The following ITPK1 variants were observed in gnomAD, a reference collection of about 807,000 sequenced individuals.
ITPK1 encodes inositol-tetrakisphosphate 1-kinase.
Under a neutral mutation model 45.3 loss-of-function variants are expected in ITPK1, and 21 were observed. The observed-to-expected ratio is 0.46, with a 90% CI of 0.33 to 0.67. ITPK1 has a LOEUF of 0.67. Among genes scored for constraint, ITPK1 ranks in the 30% least tolerant of loss-of-function variants. ITPK1 has a pLI of 0.02. For missense variants in ITPK1, 474 were observed against 573.5 expected (o/e 0.83, Z 1.77); for synonymous variants, 258 against 253.6 (o/e 1.02, Z -0.16).
chr14:92,956,789 A>G (rs185218701), intron 8 of ITPK1, among the ~76,000 whole-genome samples: 2 of 152,352 alleles, frequency 1.3e-5, no homozygotes, highest in Admixed American at 1.3e-4. Flanking sequence ...AATAAACAGC[A>G]TTTTAAAAAA....
intron 5 of ITPK1, among the ~76,000 whole-genome samples, chr14:92,968,845 A>T (rs112414667): frequency 0.025 from 3,795 of 152,216 alleles, 174 homozygotes; most frequent in African/African-American, 0.087. Flanking sequence ...TGGGGACTCA[A>T]CTGAGACTCG....
intron 8 of ITPK1, among the ~76,000 whole-genome samples, chr14:92,952,379 G>A (rs1887998295): frequency 6.6e-6 from 1 of 152,190 alleles, no homozygotes; most frequent in African/African-American, 2.4e-5. Flanking sequence ...CACGGCCAGA[G>A]AGGGCCCACA....
chr14:92,958,139 T>G lies in ITPK1; in HGVS notation c.670+62A>C. On this transcript the variant is annotated intron_variant, in intron 8 of 10. Transcript: ENST00000267615. This position sits in a 1 kb window ranked among gnomAD's most constrained non-coding sequence, Gnocchi z 4.4. ...GCAGTGCCGAAGGACAGACAGCTGCTGCCACATCCCAGCTGGGCCCCTGAG... is the reference window on the plus strand; with the variant it reads ...GCAGTGCCGAAGGACAGACAGCTGCGGCCACATCCCAGCTGGGCCCCTGAG... The G allele has an allele frequency of 2.0e-6, 3 of 1,535,710 alleles. No individual in the cohort carries two copies. The highest frequency in any genetic ancestry group is 2.7e-6 in the Non-Finnish European group (3 of 1,109,808).
Position 92,941,304 on chromosome 14 carries a change from T to C in ITPK1, c.*257A>G, listed in dbSNP as rs879606647. ...ACCTAGTGTTGCAAACACAAGCGTG[T>C]GTAAACTCAGTTAGGAGGTCTGCAC... On this transcript the variant is annotated 3_prime_UTR_variant, in exon 11 of 11. Coordinates refer to ENST00000267615, the MANE Select transcript of ITPK1 (RefSeq NM_014216.6). The C allele has an allele frequency of 8.6e-6, 12 of 1,399,856 alleles. No homozygotes were observed. The highest frequency in any genetic ancestry group is 9.2e-6 in the Non-Finnish European group (10 of 1,084,218). 86.7% of individuals were successfully genotyped at this position (1,399,856 alleles called of 1,614,324 possible). A position where few individuals can be genotyped will look rare whatever the true frequency, so the allele number is the denominator to read the frequency against.
intron 2 of ITPK1, among the ~76,000 whole-genome samples, chr14:93,080,434 T>C (rs1891389743): frequency 6.6e-6 from 1 of 152,180 alleles, no homozygotes; most frequent in South Asian, 2.1e-4. Flanking sequence ...CACGAAGCAA[T>C]CGATCAATGG....
chr14:92,970,638 A>ATT lies in ITPK1; in HGVS notation c.365-7791_365-7790dup, dbSNP rs796634667. Among the ~76,000 whole-genome samples the ATT allele has an allele frequency of 8.0e-3, 1,149 of 143,752 alleles. 10 individuals carry two copies. The highest frequency in any genetic ancestry group is 0.026 in the African/African-American group (1,026 of 39,356). The allele number at this position is 143,752 out of a possible 152,430, so 94.3% of individuals were successfully genotyped here. A position where few individuals can be genotyped will look rare whatever the true frequency, so the allele number is the denominator to read the frequency against. ...GCAGGATCTAAGTTCTCGCAGCATC[A>ATT]TTTTTTTTTTTTTTTGAGACGGAGT... On this transcript the variant is annotated intron_variant, in intron 5 of 10. Coordinates refer to ENST00000267615, the MANE Select transcript of ITPK1 (RefSeq NM_014216.6).
chr14:93,035,380 C>T (rs4505243), intron 3 of ITPK1, among the ~76,000 whole-genome samples: 4,179 of 152,240 alleles, frequency 0.027, 99 homozygotes, highest in Admixed American at 0.085. Context: ...AGTCAAAAGC[C>T]GACTCAAAGG....
intron 5 of ITPK1, among the ~76,000 whole-genome samples, chr14:92,971,236 G>T (rs3825684): frequency 6.6e-6 from 1 of 152,044 alleles, no homozygotes; most frequent in Admixed American, 6.5e-5. Flanking sequence ...TGGGCTGTCT[G>T]GGTTTTAATC....
chr14:93,077,205 G>C (rs550075505), intron 2 of ITPK1, among the ~76,000 whole-genome samples: 1 of 152,234 alleles, frequency 6.6e-6, no homozygotes, highest in South Asian at 2.1e-4. Flanking sequence ...GCAGTCCCAC[G>C]GCCACCACGT....
At chr14:93,102,453 G>A (rs1004147545) in intron 2 of ITPK1, among the ~76,000 whole-genome samples, 2 of 152,250 alleles carry the variant, frequency 1.3e-5, no homozygotes, top group Non-Finnish European at 1.5e-5. Context: ...ATCCCATGAC[G>A]AATGTTAGGA....
intron 5 of ITPK1, among the ~76,000 whole-genome samples, chr14:92,989,312 C>T (rs1207459649): frequency 6.6e-6 from 1 of 152,106 alleles, no homozygotes; most frequent in Non-Finnish European, 1.5e-5. Flanking sequence ...CTGTCACCCC[C>T]AGAGCAGACA....
chr14:93,067,933 T>C, intron 3 of ITPK1: 1 of 151,028 alleles, frequency 6.6e-6, no homozygotes, highest in Non-Finnish European at 1.5e-5. Flanking sequence ...ATAAAATCTA[T>C]CTTTTAAAAA....
Position 93,061,652 on chromosome 14 carries a change from T to C in ITPK1, c.120+14943A>G, listed in dbSNP as rs903102340. Among the ~76,000 whole-genome samples, 15 of 151,900 alleles carry C rather than the reference T, an allele frequency of 9.9e-5. No homozygotes were observed. In the East Asian group the frequency reaches 2.7e-3, roughly 27 times the overall value. ...TGTAATTCCCCAAAATGCAGGGGTT[T>C]GTTTATTTCACCAAGAAGTACATAT... On this transcript the variant is annotated intron_variant, in intron 3 of 10. Transcript: ENST00000267615.
rs967317086 is a variant in ITPK1, at chr14:92,938,864, G to A, written c.*2697C>T. On this transcript the variant is annotated 3_prime_UTR_variant, in exon 11 of 11. Coordinates refer to ENST00000267615, the MANE Select transcript of ITPK1 (RefSeq NM_014216.6). Reference sequence around the variant, plus strand: ...CACTGTCAGGCAGAACTTGACCCACGGCCTCAGCCCCAGGGTGCTCAATGC... The same window carrying A: ...CACTGTCAGGCAGAACTTGACCCACAGCCTCAGCCCCAGGGTGCTCAATGC... 6 of 420,652 alleles carry A rather than the reference G, an allele frequency of 1.4e-5. No individual in the cohort carries two copies. Among genetic ancestry groups the A allele is most frequent in the African/African-American group, 8.1e-5 (4 of 49,542 alleles). The allele number at this position is 420,652 out of a possible 1,614,324, so 26.1% of individuals were successfully genotyped here. A position where few individuals can be genotyped will look rare whatever the true frequency, so the allele number is the denominator to read the frequency against.
At chr14:93,061,120 C>A (rs1449320394) in intron 3 of ITPK1, among the ~76,000 whole-genome samples, 2 of 152,246 alleles carry the variant, frequency 1.3e-5, no homozygotes, top group Non-Finnish European at 1.5e-5. Flanking sequence ...GTTTGATACT[C>A]TTCAGAAATT....
intron 2 of ITPK1, among the ~76,000 whole-genome samples, chr14:93,093,374 GC>G (rs1566782212): frequency 1.3e-5 from 2 of 152,200 alleles, no homozygotes; most frequent in African/African-American, 4.8e-5. Flanking sequence ...TCCTCAAGCC[GC>G]CCCTGGCGTG....
At chr14:92,972,343 T>C (rs1885703268) in intron 5 of ITPK1, among the ~76,000 whole-genome samples, 1 of 152,086 alleles carries the variant, frequency 6.6e-6, no homozygotes, top group African/African-American at 2.4e-5. Context: ...CCTAATCCAA[T>C]AGGACTGGTG....
Position 92,994,015 on chromosome 14 carries a change from T to A in ITPK1, c.247-18A>T, listed in dbSNP as rs768021277. ...ATGTACTCCTGAAAGGGAAGCATGC[T>A]GCTCTGGTTAGAGCAGGGGTAGGGC... On this transcript the variant is annotated intron_variant, in intron 4 of 10. Coordinates refer to ENST00000267615, the MANE Select transcript of ITPK1 (RefSeq NM_014216.6). 4 of 1,553,606 alleles carry A rather than the reference T, an allele frequency of 2.6e-6. No homozygotes were observed. Among genetic ancestry groups the A allele is most frequent in the Non-Finnish European group, 3.6e-6 (4 of 1,124,872 alleles).
intron 5 of ITPK1, among the ~76,000 whole-genome samples, chr14:92,986,235 C>T (rs1886478313): frequency 6.6e-6 from 1 of 152,250 alleles, no homozygotes; most frequent in African/African-American, 2.4e-5. Flanking sequence ...TATAAATTCA[C>T]ACTAAAGTGT....
Sources: gnomAD v4.1 joint callset for allele counts (sites outside exome capture counted in the v4.1 genomes callset) on GRCh38, gnomAD v4.1.1 for gene constraint, Gnocchi (gnomAD v3.1) non-coding constraint, MANE v1.5 for transcripts, NCBI Gene and HGNC (gene_info 2026-07-23, HGNC 2026-07-21) for gene names.